SLC14A2: variants seen among roughly 807,000 people sequenced by gnomAD.
The protein encoded by SLC14A2 is urea transporter 2.
A neutral mutation model predicts 104.6 loss-of-function variants in SLC14A2; 91 were observed. That is an observed-to-expected ratio of 0.87 (90% confidence interval 0.73 to 1.04). The LOEUF is 1.04. Among genes scored for constraint, SLC14A2 ranks in the 50% least tolerant of loss-of-function variants. The pLI is 0.00. For synonymous variants in SLC14A2, 476 were observed against 466.4 expected (o/e 1.02, Z -0.27); for missense variants, 1,189 against 1,156.0 (o/e 1.03, Z -0.41).
the SLC14A2 span, chr18:45,168,755 C>A: frequency 6.8e-6 from 1 of 148,114 alleles, no homozygotes; most frequent in South Asian, 2.1e-4. Context: ...GGAAAAGGAA[C>A]TTTTTTTTTT....
chr18:45,559,852 G>A (rs1263339088), intron 2 of SLC14A2, among the ~76,000 whole-genome samples: 1 of 152,218 alleles, frequency 6.6e-6, no homozygotes, highest in East Asian at 1.9e-4. Flanking sequence ...AGAACCCACA[G>A]GATCCACCAT....
intron 1 of SLC14A2, among the ~76,000 whole-genome samples, chr18:45,258,632 T>C (rs1006192343): frequency 7.0e-6 from 1 of 143,400 alleles, no homozygotes; most frequent in Non-Finnish European, 1.5e-5. Flanking sequence ...CAAATTATAT[T>C]GATCAATTGA....
chr18:45,168,016 C>T, the SLC14A2 span, among the ~76,000 whole-genome samples: 2 of 152,172 alleles, frequency 1.3e-5, no homozygotes, highest in African/African-American at 2.4e-5. Flanking sequence ...GCTACTAACT[C>T]GGCATGGCCA....
chr18:45,183,600 C>T, the SLC14A2 span, among the ~76,000 whole-genome samples: 1 of 152,108 alleles, frequency 6.6e-6, no homozygotes, highest in Non-Finnish European at 1.5e-5. Flanking sequence ...CTAGGTTGCA[C>T]AATTTGCTTT....
intron 1 of SLC14A2, among the ~76,000 whole-genome samples, chr18:45,304,113 C>A (rs528548998): frequency 1.3e-5 from 2 of 152,326 alleles, no homozygotes; most frequent in African/African-American, 4.8e-5. Context: ...CACCATTCCC[C>A]AGGAAGACCA....
the SLC14A2 span, among the ~76,000 whole-genome samples, chr18:45,170,808 C>G: frequency 6.6e-6 from 1 of 152,260 alleles, no homozygotes; most frequent in East Asian, 1.9e-4. Context: ...GAGGAAAAGG[C>G]GGCCCATGTT....
chr18:45,632,212 C>T, intron 4 of SLC14A2, 138 bp from the exon 5 acceptor site: 1 of 973,464 alleles, frequency 1.0e-6, no homozygotes, highest in Non-Finnish European at 1.5e-6. Flanking sequence ...GCCCAATATT[C>T]ATTGAGCGAA....
At chr18:45,307,523 G>T (rs201058162) in intron 1 of SLC14A2, among the ~76,000 whole-genome samples, 1 of 151,930 alleles carries the variant, frequency 6.6e-6, no homozygotes, top group Admixed American at 6.6e-5. Context: ...ATGGCCTGCT[G>T]TGGAGTGGAG....
chr18:45,218,396 G>A (rs1240188994), intron 1 of SLC14A2, among the ~76,000 whole-genome samples: 1 of 152,140 alleles, frequency 6.6e-6, no homozygotes, highest in Non-Finnish European at 1.5e-5. Context: ...GCCACATTTT[G>A]TTTCTCTCTC....
chr18:45,377,113 A>G (rs2085783586), intron 1 of SLC14A2, among the ~76,000 whole-genome samples: 1 of 152,166 alleles, frequency 6.6e-6, no homozygotes, highest in Admixed American at 6.5e-5. Flanking sequence ...TGATGAAAAC[A>G]TCTGCAGTTG....
At chr18:45,281,902 T>A (rs2084766525) in intron 1 of SLC14A2, among the ~76,000 whole-genome samples, 1 of 152,164 alleles carries the variant, frequency 6.6e-6, no homozygotes, top group Admixed American at 6.5e-5. Context: ...TGGCTCAGTC[T>A]CTCACCTGCC....
chr18:45,224,869 G>C (rs1169445821), intron 1 of SLC14A2, among the ~76,000 whole-genome samples: 2 of 152,090 alleles, frequency 1.3e-5, no homozygotes, highest in Admixed American at 1.3e-4. Flanking sequence ...AGGCTAATGA[G>C]GGTAGTTCTA....
At chr18:45,274,379 A>C (rs561823795) in intron 1 of SLC14A2, among the ~76,000 whole-genome samples, 46 of 152,252 alleles carry the variant, frequency 3.0e-4, no homozygotes, top group African/African-American at 1.1e-3. Flanking sequence ...CTTCTACTTT[A>C]TTTTTGGAAG....
chr18:45,673,017 G>T lies in SLC14A2; in HGVS notation c.2347G>T (p.Ala783Ser). Reference sequence around the variant, plus strand: ...CTCACCTCTCATTTGCTTGCATGCAGCAATTGGATCCACCATGGGGATGCT... The same window carrying T: ...CTCACCTCTCATTTGCTTGCATGCATCAATTGGATCCACCATGGGGATGCT... Reference protein sequence around the residue: ...ISSPLICLHAAIGSTMGMLAA... With the variant: ...ISSPLICLHASIGSTMGMLAA... The change falls in exon 17 of 20, where the codon GCA becomes TCA. Residue 783 changes from alanine (A) to serine (S), a missense_variant. Ala to Ser is a moderately conservative substitution (Grantham distance 99, BLOSUM62 1). Coordinates refer to ENST00000255226, the MANE Select transcript of SLC14A2 (RefSeq NM_007163.4). 6.2e-7 allele frequency: 1 copy of T among 1,614,154 alleles called. No homozygotes were observed.
At chr18:45,499,923 G>A (rs1437782706) in intron 2 of SLC14A2, among the ~76,000 whole-genome samples, 2 of 152,154 alleles carry the variant, frequency 1.3e-5, no homozygotes, top group African/African-American at 2.4e-5. Context: ...CTCTCTCCAC[G>A]TGCATTAATT....
At chr18:45,420,834 G>A (rs1213941366) in intron 1 of SLC14A2, among the ~76,000 whole-genome samples, 3 of 151,244 alleles carry the variant, frequency 2.0e-5, no homozygotes, top group African/African-American at 7.3e-5. Context: ...TCCGCCTCCC[G>A]GGTTCAAGAA....
rs1383249361 is a variant in SLC14A2, at chr18:45,669,364, A to G, written c.2095A>G (p.Thr699Ala). ...CAGCAAGTGGGACCTCCCAGTCTTC[A>G]CACTGCCCTTCAATATCACTGTGAC... ...IFSKWDLPVF[T>A]LPFNITVTLY... Residue 699 changes from threonine to alanine, a missense_variant, in exon 16 of 20, where the codon ACA becomes GCA. Physicochemically the swap from Thr to Ala is moderately conservative, Grantham distance 58. Transcript: ENST00000255226. 1 of 1,614,124 alleles carries G rather than the reference A, an allele frequency of 6.2e-7. No homozygotes were observed.
At chr18:45,555,052 T>C (rs985224458) in intron 2 of SLC14A2, among the ~76,000 whole-genome samples, 4 of 152,212 alleles carry the variant, frequency 2.6e-5, no homozygotes, top group Non-Finnish European at 5.9e-5. Context: ...TAGTAGTTGC[T>C]CAATAAATAT....
intron 10 of SLC14A2, among the ~76,000 whole-genome samples, chr18:45,658,441 T>A (rs751523965): frequency 4.0e-5 from 6 of 151,816 alleles, no homozygotes. Context: ...ATTAGCCGGG[T>A]GTAGTGTCTC....
Sources: allele counts gnomAD v4.1 joint callset (sites outside exome capture counted in the v4.1 genomes callset), GRCh38; gene constraint gnomAD v4.1.1; transcripts MANE v1.5; gene names NCBI Gene and HGNC (gene_info 2026-07-23, HGNC 2026-07-21).